Variants in TNFSF12 observed in about 807,000 individuals in gnomAD.
The protein encoded by TNFSF12 is tumor necrosis factor ligand superfamily member 12.
Under a neutral mutation model 31.2 loss-of-function variants are expected in TNFSF12, and 16 were observed. That is an observed-to-expected ratio of 0.51 (90% CI 0.35 to 0.78). The LOEUF is 0.78. TNFSF12 is among the 30% of genes least tolerant of loss of function. The pLI is 0.01. For synonymous variants in TNFSF12, 150 were observed against 151.4 expected (o/e 0.99, Z 0.07); for missense variants, 324 against 338.8 (o/e 0.96, Z 0.34).
In TNFSF12 at chr17:7,550,451, C is replaced by G. The variant is rs1479356103; in HGVS notation, c.283+256C>G. Among the ~76,000 whole-genome samples, 1 of 152,144 alleles carries G rather than the reference C, an allele frequency of 6.6e-6. No individual in the cohort carries two copies. Among genetic ancestry groups the G allele is most frequent in the African/African-American group, 2.4e-5 (1 of 41,426 alleles). ...ACTGGGATCCTGATGGAGACTAGGC[C>G]TGGCAGTCAGAGGCCTGGGCCCCGG... On this transcript the variant is annotated intron_variant, in intron 3 of 6. Transcript: ENST00000293825. The surrounding 1 kb of genome is among the most constrained non-coding windows in gnomAD (Gnocchi z 4.4).
In TNFSF12 at chr17:7,549,072, A is replaced by T; in HGVS notation, c.-82A>T. 1 of 1,116,314 alleles carries T rather than the reference A, an allele frequency of 9.0e-7. No homozygotes were observed. Among genetic ancestry groups the T allele is most frequent in the Non-Finnish European group, 1.1e-6 (1 of 902,564 alleles). 69.2% of individuals were successfully genotyped at this position (1,116,314 alleles called of 1,614,324 possible). On this transcript the variant is annotated 5_prime_UTR_variant, in exon 1 of 7. Transcript: ENST00000293825. This position sits in a 1 kb window ranked among gnomAD's most constrained non-coding sequence, Gnocchi z 4.1. ...CTTGCCCCTCCCTCTCCCCGGCCCG[A>T]TCCGCCCGCCGGCTCCCCCTCCCCC...
rs1241672482 is a variant in TNFSF12 at position 7,550,357 on chromosome 17, T to C, written c.283+162T>C. 6.6e-6 allele frequency among the ~76,000 whole-genome samples: 1 copy of C among 152,088 alleles called. No individual in the cohort carries two copies. Among genetic ancestry groups the C allele is most frequent in the Non-Finnish European group, 1.5e-5 (1 of 68,016 alleles). On this transcript the variant is annotated intron_variant, in intron 3 of 6. Coordinates refer to ENST00000293825, the MANE Select transcript of TNFSF12 (RefSeq NM_003809.3). This position sits in a 1 kb window ranked among gnomAD's most constrained non-coding sequence, Gnocchi z 4.4. The stretch of plus-strand genomic sequence containing the variant: ...TCGCCCTCCTCTGAAGCTCCTTCTG[T>C]CATATGGATGTGCTCCTTCAGACCC...
intron 5 of TNFSF12, among the ~76,000 whole-genome samples, chr17:7,555,875 T>C (rs1196983898): frequency 6.6e-6 from 1 of 151,586 alleles, no homozygotes; most frequent in Non-Finnish European, 1.5e-5. Flanking sequence ...GATGGTGCAG[T>C]TGGCAGGGTA....
In TNFSF12 at chr17:7,556,914, C is replaced by G. The variant is rs755822673; in HGVS notation, c.498+12C>G. 1 of 1,518,828 alleles carries G rather than the reference C, an allele frequency of 6.6e-7. No homozygotes were observed. Among genetic ancestry groups the G allele is most frequent in the Non-Finnish European group, 8.8e-7 (1 of 1,131,678 alleles). 94.1% of individuals were successfully genotyped at this position (1,518,828 alleles called of 1,614,324 possible). On this transcript the variant is annotated intron_variant, in intron 6 of 6. Coordinates refer to ENST00000293825, the MANE Select transcript of TNFSF12 (RefSeq NM_003809.3). ...ACCTGTACTGTCAGGTAAGCCCCAT[C>G]TGGCTGCATGGGTAACGCAGTAAGA...
chr17:7,555,881 G>A (rs1231199053), intron 5 of TNFSF12, among the ~76,000 whole-genome samples: 1 of 151,948 alleles, frequency 6.6e-6, no homozygotes, highest in Non-Finnish European at 1.5e-5. Context: ...GCAGTTGGCA[G>A]GGTAAGGAAG....
At chr17:7,551,008 G>A in intron 5 of TNFSF12, 30 bp downstream of exon 5, 1 of 1,612,834 alleles carries the variant, frequency 6.2e-7, no homozygotes, top group Middle Eastern at 1.9e-4. Flanking sequence ...CACAGCACTG[G>A]CCTCCTGGGA....
intron 5 of TNFSF12, among the ~76,000 whole-genome samples, chr17:7,555,973 G>GTTTTTTT (rs59248137): frequency 0.017 from 1,213 of 70,586 alleles, 147 homozygotes; most frequent in East Asian, 0.025. Flanking sequence ...CCCAGTGAGC[G>GTTTTTTT]TTTTTTTTGT....
At position 7,549,368 on chromosome 17, in the gene TNFSF12, G is replaced by A; in HGVS notation, c.159+56G>A. 7.1e-7 allele frequency: 1 copy of A among 1,411,050 alleles called. No homozygotes were observed. Among genetic ancestry groups the A allele is most frequent in the Non-Finnish European group, 9.3e-7 (1 of 1,070,294 alleles). The allele number at this position is 1,411,050 out of a possible 1,614,324, so 87.4% of individuals were successfully genotyped here. ...CACATCAGGAGCTGAGACTGCAGAG[G>A]GGCCGCTGGGGGCCGCGTGGGCTGA... On this transcript the variant is annotated intron_variant, in intron 1 of 6. Transcript: ENST00000293825. The surrounding 1 kb of genome is among the most constrained non-coding windows in gnomAD (Gnocchi z 4.1).
At chr17:7,554,672 T>C (rs2071039859) in intron 5 of TNFSF12, among the ~76,000 whole-genome samples, 2 of 146,370 alleles carry the variant, frequency 1.4e-5, no homozygotes, top group African/African-American at 5.1e-5. Flanking sequence ...CCAGCTGGAG[T>C]GCAGTGGCGC....
Position 7,557,483 on chromosome 17 carries a change from G to A in TNFSF12, c.*133G>A. 7.9e-7 allele frequency: 1 copy of A among 1,268,800 alleles called. No individual in the cohort carries two copies. Among genetic ancestry groups the A allele is most frequent in the Non-Finnish European group, 1.1e-6 (1 of 944,134 alleles). 78.6% of individuals were successfully genotyped at this position (1,268,800 alleles called of 1,614,324 possible). ...TGCCCCTCCCTCTAGAGGCTGCCTG[G>A]GCCTGTTCACGTGTTTTCCATCCCA... On this transcript the variant is annotated 3_prime_UTR_variant, in exon 7 of 7. Transcript: ENST00000293825. This position sits in a 1 kb window ranked among gnomAD's most constrained non-coding sequence, Gnocchi z 5.2.
Position 7,550,943 on chromosome 17 carries a change from T to C in TNFSF12, c.338T>C (p.Val113Ala). The C allele has an allele frequency of 6.2e-7, 1 of 1,613,992 alleles. No individual in the cohort carries two copies. Among genetic ancestry groups the C allele is most frequent in the Non-Finnish European group, 8.5e-7 (1 of 1,179,972 alleles). ...ARRAIAAHYE[V>A]HPRPGQDGAQ... is the part of the protein sequence containing the mutation. ...ACCAGCCTTTTCCTGTACTTTACAG[T>C]TCATCCACGACCTGGACAGGACGGA... The change falls in exon 5 of 7, where the codon GTT becomes GCT. Residue 113 changes from valine to alanine, a missense_variant and splice_region_variant. Transcript: ENST00000293825. The surrounding 1 kb of genome is among the most constrained non-coding windows in gnomAD (Gnocchi z 4.4).
At chr17:7,552,102 A>C (rs990002705) in intron 5 of TNFSF12, among the ~76,000 whole-genome samples, 2 of 152,146 alleles carry the variant, frequency 1.3e-5, no homozygotes, top group Non-Finnish European at 2.9e-5. Flanking sequence ...TAGATTTTTA[A>C]CTTGGGTATC....
In TNFSF12 at chr17:7,550,808, G is replaced by T; in HGVS notation, c.293G>T (p.Gly98Val). The T allele has an allele frequency of 6.2e-7, 1 of 1,610,868 alleles. No individual in the cohort carries two copies. Among genetic ancestry groups the T allele is most frequent in the South Asian group, 1.1e-5 (1 of 91,010 alleles). The change falls in exon 4 of 7, where the codon GGC becomes GTC. Residue 98 changes from glycine to valine, a missense_variant. Gly to Val is a moderately radical substitution (Grantham distance 109). Coordinates refer to ENST00000293825, the MANE Select transcript of TNFSF12 (RefSeq NM_003809.3). The surrounding 1 kb of genome is among the most constrained non-coding windows in gnomAD (Gnocchi z 4.4). ...LVRPRRSAPK[G>V]RKTRARRAIA... Reference sequence around the variant, plus strand: ...TTTCCTTGATCCTCAGCACCTAAAGGCCGGAAAACACGGGCTCGAAGAGCG... The same window carrying T: ...TTTCCTTGATCCTCAGCACCTAAAGTCCGGAAAACACGGGCTCGAAGAGCG...
rs1325968847 is a variant in TNFSF12 at position 7,550,016 on chromosome 17, G to A, written c.208-104G>A. 1.9e-6 allele frequency: 3 copies of A among 1,579,438 alleles called. No homozygotes were observed. In the African/African-American group the frequency reaches 4.1e-5, roughly 21 times the overall value. On this transcript the variant is annotated intron_variant, in intron 2 of 6. Coordinates refer to ENST00000293825, the MANE Select transcript of TNFSF12 (RefSeq NM_003809.3). This position sits in a 1 kb window ranked among gnomAD's most constrained non-coding sequence, Gnocchi z 4.4. ...TGGCTGAGGGGCTTAATCTGTCCCT[G>A]ACTTCTGTGTCTATTGCTGGCTGGT...
chr17:7,555,847 A>G (rs758262060), intron 5 of TNFSF12, among the ~76,000 whole-genome samples: 1 of 151,854 alleles, frequency 6.6e-6, no homozygotes, highest in Non-Finnish European at 1.5e-5. Context: ...GATGAGTTTG[A>G]GGGGCTATTG....
intron 5 of TNFSF12, chr17:7,553,672 T>C: frequency 2.3e-6 from 3 of 1,304,034 alleles, no homozygotes; most frequent in Non-Finnish European, 3.0e-6. Context: ...GCCTGTGTAC[T>C]GGACATGGTC....
chr17:7,553,434 G>A (rs888840492), intron 5 of TNFSF12, among the ~76,000 whole-genome samples: 2 of 152,160 alleles, frequency 1.3e-5, no homozygotes, highest in Admixed American at 1.3e-4. Context: ...CCAAGGAAAA[G>A]TTTAGTTCTG....
chr17:7,549,302 T>G lies in TNFSF12; in HGVS notation c.149T>G (p.Leu50Arg). ...GTCAGTTTGGGGAGCCGGGCATCGC[T>G]GTCCGCCCAGGTGAGGCCCCGCTGC... ...AVVSLGSRASLSAQEPAQEEL... is the reference protein window; with the variant it reads ...AVVSLGSRASRSAQEPAQEEL... The change falls in exon 1 of 7, where the codon CTG becomes CGG. Residue 50 changes from leucine to arginine, a missense_variant. Physicochemically the swap from Leu to Arg is moderately radical, Grantham distance 102. Transcript: ENST00000293825. This position sits in a 1 kb window ranked among gnomAD's most constrained non-coding sequence, Gnocchi z 4.1. 7.2e-7 allele frequency: 1 copy of G among 1,395,116 alleles called. No homozygotes were observed. The highest frequency in any genetic ancestry group is 9.3e-7 in the Non-Finnish European group (1 of 1,075,032). The allele number at this position is 1,395,116 out of a possible 1,614,324, so 86.4% of individuals were successfully genotyped here.
chr17:7,549,185 G>A lies in TNFSF12; in HGVS notation c.32G>A (p.Gly11Glu). Residue 11 changes from glycine (G) to glutamate (E), a missense_variant, in exon 1 of 7, where the codon GGG (glycine) becomes GAG (glutamate). By Grantham distance (98) the Gly-to-Glu change is moderately conservative. Transcript: ENST00000293825. The surrounding 1 kb of genome is among the most constrained non-coding windows in gnomAD (Gnocchi z 4.1). The stretch of plus-strand genomic sequence containing the variant: ...GCCCGTCGGAGCCAGAGGCGGAGGG[G>A]GCGCCGGGGGGAGCCGGGCACCGCC... MAARRSQRRR[G>E]RRGEPGTALL... 7.7e-7 allele frequency: 1 copy of A among 1,302,450 alleles called. No individual in the cohort carries two copies. Among genetic ancestry groups the A allele is most frequent in the Non-Finnish European group, 9.7e-7 (1 of 1,029,158 alleles). 80.7% of individuals were successfully genotyped at this position (1,302,450 alleles called of 1,614,324 possible). A position where few individuals can be genotyped will look rare whatever the true frequency, so the allele number is the denominator to read the frequency against.
Sources: allele counts gnomAD v4.1 joint callset (sites outside exome capture counted in the v4.1 genomes callset), GRCh38; gene constraint gnomAD v4.1.1; non-coding constraint Gnocchi (gnomAD v3.1); transcripts MANE v1.5; gene names NCBI Gene and HGNC (gene_info 2026-07-23, HGNC 2026-07-21).